TULP4: variants seen among roughly 807,000 people sequenced by gnomAD.
TULP4 encodes TUB like protein 4.
A neutral mutation model predicts 129.0 loss-of-function variants in TULP4; 16 were observed. The ratio of observed to expected loss-of-function variants is 0.12; its 90% CI spans 0.08 to 0.19. The LOEUF (loss-of-function observed/expected upper bound fraction) is 0.19, where lower values mean the gene tolerates loss of function less well. Ranked by LOEUF, TULP4 falls within the 10% of genes least tolerant of loss-of-function variation. The pLI is 1.00. For missense variants in TULP4, 1,842 were observed against 2,059.1 expected, an observed-to-expected ratio of 0.89 and a Z score of 2.04; for synonymous variants, 998 against 854.0, an observed-to-expected ratio of 1.17 and a Z score of -2.94.
Position 158,454,042 on chromosome 6 carries a change from C to G in TULP4, c.859+1774C>G, listed in dbSNP as rs114140445. 5.9e-3 allele frequency among the ~76,000 whole-genome samples: 788 copies of G among 132,906 alleles called. 9 individuals are homozygous for G. The highest frequency in any genetic ancestry group is 0.022 in the African/African-American group (740 of 33,174). 87.2% of individuals were successfully genotyped at this position (132,906 alleles called of 152,430 possible). A position where few individuals can be genotyped will look rare whatever the true frequency, so the allele number is the denominator to read the frequency against. ...CACCGCCCCCCCCCAAGTAATTACT[C>G]TATTTTTAAACTATAGAATATTTTT... On this transcript the variant is annotated intron_variant, in intron 5 of 13. Transcript: ENST00000367097.
intron 1 of TULP4, among the ~76,000 whole-genome samples, chr6:158,243,547 T>G (rs1241119326): frequency 6.6e-6 from 1 of 151,884 alleles, no homozygotes; most frequent in Non-Finnish European, 1.5e-5. Context: ...ATAGGTTCTC[T>G]ATCTTTTTTT....
At chr6:158,409,502 G>C (rs1320964687) in intron 1 of TULP4, among the ~76,000 whole-genome samples, 2 of 152,174 alleles carry the variant, frequency 1.3e-5, no homozygotes, top group African/African-American at 4.8e-5. Flanking sequence ...TAACTGCGCA[G>C]ATCCATGGCC....
At chr6:158,471,232 A>C (rs1218285969) in intron 6 of TULP4, among the ~76,000 whole-genome samples, 2 of 152,244 alleles carry the variant, frequency 1.3e-5, no homozygotes, top group African/African-American at 4.8e-5. Context: ...AGGCAGGATG[A>C]AAAGCACAAG....
chr6:158,478,672 A>C (rs1217346952), intron 6 of TULP4, among the ~76,000 whole-genome samples: 1 of 152,172 alleles, frequency 6.6e-6, no homozygotes, highest in South Asian at 2.1e-4. Context: ...CTCCTGTGGT[A>C]GAAAGGGAAG....
At chr6:158,367,110 C>T (rs1461080552) in intron 1 of TULP4, among the ~76,000 whole-genome samples, 1 of 152,122 alleles carries the variant, frequency 6.6e-6, no homozygotes, top group East Asian at 1.9e-4. Flanking sequence ...AGACCACATC[C>T]ATGGGAATGG....
chr6:158,258,648 T>C (rs185572447), intron 1 of TULP4, among the ~76,000 whole-genome samples: 1 of 152,322 alleles, frequency 6.6e-6, no homozygotes, highest in African/African-American at 2.4e-5. Context: ...TCTGAAGCCT[T>C]GCATTAAAAT....
At chr6:158,497,450 C>A (rs781601272) in intron 11 of TULP4, among the ~76,000 whole-genome samples, 1 of 152,172 alleles carries the variant, frequency 6.6e-6, no homozygotes, top group Non-Finnish European at 1.5e-5. Flanking sequence ...ACAGTAGATT[C>A]TACAAAATTC....
rs551298646 is a variant in TULP4 at position 158,234,124 on chromosome 6, G to A, written n.68+1821G>A. Among the ~76,000 whole-genome samples the A allele has an allele frequency of 1.7e-4, 26 of 152,284 alleles. No individual in the cohort carries two copies. In the South Asian group the frequency reaches 4.1e-3, roughly 24 times the overall value. The stretch of plus-strand genomic sequence containing the variant: ...TTACTATTGTTTATTTTAAAATAAT[G>A]TCCTCTTCATTTAGAAAGAGTTTGT... On this transcript the variant is annotated intron_variant and non_coding_transcript_variant, in intron 1 of 1. Transcript: ENST00000620026.
chr6:158,467,272 C>T (rs1779573367), intron 6 of TULP4, among the ~76,000 whole-genome samples: 1 of 124,648 alleles, frequency 8.0e-6, no homozygotes, highest in African/African-American at 3.8e-5. Flanking sequence ...CACGACTTTC[C>T]CTTTCTTTTT....
chr6:158,285,305 A>G (rs1304967740), intron 1 of TULP4, among the ~76,000 whole-genome samples: 54 of 152,316 alleles, frequency 3.5e-4, no homozygotes, highest in African/African-American at 1.2e-3. Flanking sequence ...TTAACAATAA[A>G]CAACATATTA....
upstream of TULP4, among the ~76,000 whole-genome samples, chr6:158,278,657 T>G (rs1778687716): frequency 6.6e-6 from 1 of 152,218 alleles, no homozygotes; most frequent in Admixed American, 6.5e-5. Context: ...GATTATTTTC[T>G]TCTTGATCAT....
intron 1 of TULP4, among the ~76,000 whole-genome samples, chr6:158,377,506 A>C (rs368329749): frequency 6.6e-6 from 1 of 152,250 alleles, no homozygotes; most frequent in Admixed American, 6.5e-5. Flanking sequence ...TTGTAATGTA[A>C]ATGTAATTTG....
chr6:158,380,912 AG>A (rs1231116495), intron 1 of TULP4, among the ~76,000 whole-genome samples: 182 of 145,758 alleles, frequency 1.2e-3, no homozygotes, highest in African/African-American at 4.3e-3. Flanking sequence ...AAAAAAAAAA[AG>A]AAGAAGAAGA....
At chr6:158,332,655 C>T (rs1041262632) in intron 1 of TULP4, among the ~76,000 whole-genome samples, 1 of 152,134 alleles carries the variant, frequency 6.6e-6, no homozygotes. Flanking sequence ...GAAAGATTGT[C>T]ACTAGGCCAA....
At chr6:158,401,193 C>A (rs770845508) in intron 1 of TULP4, among the ~76,000 whole-genome samples, 1 of 152,044 alleles carries the variant, frequency 6.6e-6, no homozygotes, top group Non-Finnish European at 1.5e-5. Flanking sequence ...CCCACCTCAG[C>A]CTCCCAAGTA....
chr6:158,249,724 C>A (rs1304140974), intron 1 of TULP4, among the ~76,000 whole-genome samples: 1 of 152,206 alleles, frequency 6.6e-6, no homozygotes, highest in Admixed American at 6.5e-5. Context: ...TCAGTTTTAT[C>A]TTAATTACAT....
chr6:158,434,549 TTGTC>T (rs1424929291), intron 3 of TULP4, among the ~76,000 whole-genome samples: 2 of 152,220 alleles, frequency 1.3e-5, no homozygotes, highest in Non-Finnish European at 2.9e-5. Flanking sequence ...GAATGTTTCA[TTGTC>T]TGTGTTCTCC....
Position 158,461,283 on chromosome 6 carries a change from C to T in TULP4, c.860-280C>T, listed in dbSNP as rs62438582. On this transcript the variant is annotated intron_variant, in intron 5 of 13. Coordinates refer to ENST00000367097, the MANE Select transcript of TULP4 (RefSeq NM_020245.5). Reference sequence around the variant, plus strand: ...GAAATTAGCTGGGTGTGGTGGCACGCGCCCGTAGTCCCAGCTACTCGGGAG... The same window carrying T: ...GAAATTAGCTGGGTGTGGTGGCACGTGCCCGTAGTCCCAGCTACTCGGGAG... Among the ~76,000 whole-genome samples the T allele has an allele frequency of 4.7e-3, 714 of 152,126 alleles. 2 individuals carry two copies. Among genetic ancestry groups the T allele is most frequent in the Non-Finnish European group, 8.1e-3 (551 of 68,000 alleles).
chr6:158,298,567 A>G (rs988640539), intron 1 of TULP4, among the ~76,000 whole-genome samples: 2 of 152,196 alleles, frequency 1.3e-5, no homozygotes, highest in African/African-American at 4.8e-5. Context: ...GGCACATGGT[A>G]TCCAGATTCC....
Sources: allele counts gnomAD v4.1 joint callset (sites outside exome capture counted in the v4.1 genomes callset), GRCh38; gene constraint gnomAD v4.1.1; transcripts MANE v1.5; gene names NCBI Gene and HGNC (gene_info 2026-07-23, HGNC 2026-07-21).